The following SNX25 variants were observed in gnomAD, a reference collection of about 807,000 sequenced individuals.
SNX25 encodes the protein sorting nexin-25.
In SNX25, 62 loss-of-function variants were observed where a neutral mutation model predicts 113.7. That is an observed-to-expected ratio of 0.55 (90% CI 0.44 to 0.67). SNX25 has a LOEUF of 0.67. SNX25 is among the 30% of genes least tolerant of loss of function. The pLI, the probability that SNX25 is intolerant of heterozygous loss-of-function variation, is 0.00. For missense variants in SNX25, 1,014 were observed against 1,161.0 expected (o/e 0.87, Z 1.84); for synonymous variants, 421 against 436.2 (o/e 0.97, Z 0.43).
upstream of SNX25, among the ~76,000 whole-genome samples, chr4:185,206,555 A>G (rs1184599128): frequency 2.7e-5 from 4 of 146,328 alleles, no homozygotes; most frequent in African/African-American, 1.0e-4. Context: ...GCTACTCGGG[A>G]GGCTGAGGTA....
intron 6 of SNX25, among the ~76,000 whole-genome samples, chr4:185,295,219 G>C (rs1218634934): frequency 1.3e-5 from 2 of 152,136 alleles, no homozygotes; most frequent in Non-Finnish European, 2.9e-5. Flanking sequence ...CAAAGAACCA[G>C]AGAAAAGTAA....
At chr4:185,281,037 C>T (rs183840246) in intron 5 of SNX25, among the ~76,000 whole-genome samples, 107 of 152,240 alleles carry the variant, frequency 7.0e-4, no homozygotes, top group African/African-American at 2.5e-3. Context: ...CCCTAGAATC[C>T]CATAGTAATG....
chr4:185,218,807 C>T (rs1373082762), intron 1 of SNX25, among the ~76,000 whole-genome samples: 1 of 152,138 alleles, frequency 6.6e-6, no homozygotes, highest in Non-Finnish European at 1.5e-5. Context: ...TTTACAAATA[C>T]TCATTGCTAC....
intron 2 of SNX25, among the ~76,000 whole-genome samples, chr4:185,257,730 T>A (rs1278915524): frequency 1.3e-5 from 2 of 152,156 alleles, no homozygotes; most frequent in African/African-American, 4.8e-5. Flanking sequence ...AACTTAAAAC[T>A]TACATATGTG....
intron 11 of SNX25, among the ~76,000 whole-genome samples, chr4:185,340,027 T>C (rs2095251905): frequency 6.6e-6 from 1 of 152,202 alleles, no homozygotes. Flanking sequence ...ATAAAAATAA[T>C]TTCATTTAGG....
intron 3 of SNX25, among the ~76,000 whole-genome samples, chr4:185,263,429 T>C (rs1268625512): frequency 2.6e-5 from 4 of 152,228 alleles, no homozygotes; most frequent in Non-Finnish European, 5.9e-5. Flanking sequence ...TATCAGTATA[T>C]GCATAAAGGC....
intron 5 of SNX25, among the ~76,000 whole-genome samples, chr4:185,280,040 C>A (rs553710997): frequency 4.9e-4 from 74 of 152,298 alleles, no homozygotes; most frequent in Non-Finnish European, 8.5e-4. Flanking sequence ...CCCACCTCAG[C>A]CTCAGCCCAG....
chr4:185,368,127 G>A (rs1025794942), downstream of SNX25, among the ~76,000 whole-genome samples: 3 of 152,132 alleles, frequency 2.0e-5, no homozygotes, highest in African/African-American at 4.8e-5. Context: ...GCAGAGAGCC[G>A]AGATTGCGCC....
intron 1 of SNX25, among the ~76,000 whole-genome samples, chr4:185,245,521 A>T (rs1185563547): frequency 6.6e-6 from 1 of 152,074 alleles, no homozygotes; most frequent in Admixed American, 6.6e-5. Flanking sequence ...TATTTTTAGT[A>T]GAGACGGGGG....
At chr4:185,377,007 C>T in the SNX25 span, 2 of 1,610,044 alleles carry the variant, frequency 1.2e-6, no homozygotes, top group Admixed American at 1.7e-5. Flanking sequence ...ACCAAATTAG[C>T]ATGGGTGTAA....
intron 7 of SNX25, among the ~76,000 whole-genome samples, chr4:185,319,602 G>A (rs897353255): frequency 2.6e-5 from 4 of 151,470 alleles, no homozygotes; most frequent in Non-Finnish European, 5.9e-5. Flanking sequence ...GACTGTTTCT[G>A]TGACTCCTTG....
chr4:185,236,518 G>T (rs939290590), intron 1 of SNX25, among the ~76,000 whole-genome samples: 1 of 145,818 alleles, frequency 6.9e-6, no homozygotes, highest in Non-Finnish European at 1.5e-5. Flanking sequence ...CATAACAGTG[G>T]CCACATTTTT....
chr4:185,267,216 G>T, intron 5 of SNX25, 61 bp downstream of exon 5: 5 of 1,415,286 alleles, frequency 3.5e-6, no homozygotes, highest in Non-Finnish European at 4.8e-6. Flanking sequence ...TGCCTAGTTA[G>T]GTTAAAAAAA....
At chr4:185,211,961 G>C (rs975850161) in intron 1 of SNX25, among the ~76,000 whole-genome samples, 3 of 152,136 alleles carry the variant, frequency 2.0e-5, no homozygotes, top group Non-Finnish European at 4.4e-5. Flanking sequence ...AGATTGTTTA[G>C]TAGAGGAGTT....
At chr4:185,362,804 C>A in intron 18 of SNX25, 93 bp downstream of exon 18, 2 of 812,542 alleles carry the variant, frequency 2.5e-6, no homozygotes, top group Non-Finnish European at 4.0e-6. Context: ...GGCTGCAGCA[C>A]TCTCATTCTC....
At chr4:185,295,318 A>G (rs191270035) in intron 6 of SNX25, among the ~76,000 whole-genome samples, 1 of 152,212 alleles carries the variant, frequency 6.6e-6, no homozygotes, top group Non-Finnish European at 1.5e-5. Context: ...TAAAAGAAGA[A>G]TGAACAGATG....
In SNX25 at chr4:185,323,652, A is replaced by C. The variant is rs553227310; in HGVS notation, c.1601A>C (p.Glu534Ala). 6.2e-7 allele frequency: 1 copy of C among 1,613,762 alleles called. No homozygotes were observed. Among genetic ancestry groups the C allele is most frequent in the South Asian group, 1.1e-5 (1 of 91,072 alleles). The change falls in exon 9 of 19, where the codon GAA becomes GCA. Residue 534 changes from glutamate (E) to alanine (A), a missense_variant. Glu to Ala is a moderately radical substitution (Grantham distance 107). Coordinates refer to ENST00000652585, the MANE Select transcript of SNX25 (RefSeq NM_001378034.2). ...TGTCTTGTAGGAAATAAAGGTATTGAAGTATTCTACAAAATCCAGGAAGAT... is the reference window on the plus strand; with the variant it reads ...TGTCTTGTAGGAAATAAAGGTATTGCAGTATTCTACAAAATCCAGGAAGAT... Reference protein sequence around the residue: ...QQCLVGNKGIEVFYKIQEDVY... With the variant: ...QQCLVGNKGIAVFYKIQEDVY...
intron 6 of SNX25, among the ~76,000 whole-genome samples, chr4:185,296,812 T>C (rs1156362146): frequency 6.6e-6 from 1 of 152,214 alleles, no homozygotes; most frequent in African/African-American, 2.4e-5. Context: ...CTGCCCCTAT[T>C]TTATCATTCA....
intron 6 of SNX25, among the ~76,000 whole-genome samples, chr4:185,291,859 C>T (rs531807154): frequency 1.3e-5 from 2 of 152,148 alleles, no homozygotes; most frequent in African/African-American, 2.4e-5. Flanking sequence ...CGAATAAGAT[C>T]GCTTTAGTAG....
Sources: gnomAD v4.1 joint callset for allele counts (sites outside exome capture counted in the v4.1 genomes callset) on GRCh38, gnomAD v4.1.1 for gene constraint, MANE v1.5 for transcripts, NCBI Gene and HGNC (gene_info 2026-07-23, HGNC 2026-07-21) for gene names.